Variants in RNFT2 observed in about 807,000 individuals in gnomAD.
RNFT2 encodes E3 ubiquitin-protein ligase RNFT2.
RNFT2 carries 36 observed loss-of-function variants against 53.0 expected under a neutral mutation model. The observed-to-expected ratio is 0.68, with a 90% CI of 0.52 to 0.90. The LOEUF (loss-of-function observed/expected upper bound fraction) is 0.90. Among genes scored for constraint, RNFT2 ranks in the 40% least tolerant of loss-of-function variants. RNFT2 has a pLI of 0.00. For synonymous variants in RNFT2, 260 were observed against 253.2 expected, an observed-to-expected ratio of 1.03 and a Z score of -0.26; for missense variants, 514 against 585.6, an observed-to-expected ratio of 0.88 and a Z score of 1.26.
intron 5 of RNFT2, among the ~76,000 whole-genome samples, chr12:116,762,879 T>G (rs1872742369): frequency 6.6e-6 from 1 of 152,190 alleles, no homozygotes; most frequent in Admixed American, 6.5e-5. Flanking sequence ...CCCAAAGTGC[T>G]GGGATTACAG....
intron 7 of RNFT2, among the ~76,000 whole-genome samples, chr12:116,786,236 C>T (rs1056792757): frequency 1.3e-5 from 2 of 151,890 alleles, no homozygotes; most frequent in African/African-American, 4.8e-5. Flanking sequence ...ATTCTCCTGC[C>T]TCAGCCTCCC....
chr12:116,767,089 T>TCAAGG (rs1344612261), intron 6 of RNFT2, among the ~76,000 whole-genome samples, 175 bp downstream of exon 6: 3 of 152,238 alleles, frequency 2.0e-5, no homozygotes, highest in African/African-American at 7.2e-5. Context: ...TAGTAGAATT[T>TCAAGG]CAAGGCAAGC....
At chr12:116,825,994 G>T (rs565708266) in intron 7 of RNFT2, among the ~76,000 whole-genome samples, 1 of 151,882 alleles carries the variant, frequency 6.6e-6, no homozygotes, top group South Asian at 2.1e-4. Flanking sequence ...AAAAAAAAAG[G>T]TTTCATCTCT....
chr12:116,833,678 T>G, intron 7 of RNFT2, 114 bp from the exon 8 acceptor site: 1 of 1,074,074 alleles, frequency 9.3e-7, no homozygotes, highest in Non-Finnish European at 1.4e-6. Context: ...CAGAGCTGAT[T>G]AATGGCCTGC....
chr12:116,816,565 A>G (rs1592976008), intron 7 of RNFT2, among the ~76,000 whole-genome samples: 2 of 152,310 alleles, frequency 1.3e-5, no homozygotes, highest in East Asian at 3.9e-4. Context: ...GTGAGTGTCC[A>G]GTTATCTAGT....
At chr12:116,834,260 G>A (rs1876844994) in intron 8 of RNFT2, among the ~76,000 whole-genome samples, 1 of 152,044 alleles carries the variant, frequency 6.6e-6, no homozygotes. Flanking sequence ...TGGGACTACA[G>A]GCATCCACCA....
intron 7 of RNFT2, among the ~76,000 whole-genome samples, chr12:116,814,596 A>G (rs953942765): frequency 6.6e-6 from 1 of 152,140 alleles, no homozygotes; most frequent in Non-Finnish European, 1.5e-5. Context: ...GAGCAGAAGA[A>G]GGGGCAGGGC....
intron 7 of RNFT2, among the ~76,000 whole-genome samples, chr12:116,789,535 GGTAAA>G (rs1874119075): frequency 6.7e-6 from 1 of 149,382 alleles, no homozygotes; most frequent in Non-Finnish European, 1.5e-5. Flanking sequence ...TGGGTGGATG[GGTAAA>G]TGGGAGGAGA....
chr12:116,785,514 A>G (rs1873897531), intron 7 of RNFT2, among the ~76,000 whole-genome samples: 1 of 150,936 alleles, frequency 6.6e-6, no homozygotes, highest in African/African-American at 2.4e-5. Flanking sequence ...TTAGTCTTGA[A>G]CTCCTGGGCT....
intron 6 of RNFT2, among the ~76,000 whole-genome samples, chr12:116,772,740 T>C (rs1873258161): frequency 1.3e-5 from 2 of 152,214 alleles, no homozygotes; most frequent in South Asian, 2.1e-4. Flanking sequence ...GTTGTGGAAG[T>C]TGTAGTGTGC....
At chr12:116,831,545 T>C (rs1429437530) in intron 7 of RNFT2, among the ~76,000 whole-genome samples, 1 of 152,124 alleles carries the variant, frequency 6.6e-6, no homozygotes, top group Non-Finnish European at 1.5e-5. Flanking sequence ...TTTTTTTTTT[T>C]TAGTATTACA....
At chr12:116,836,086 C>T (rs1009256377) in intron 9 of RNFT2, 61 bp downstream of exon 9, 5 of 1,603,498 alleles carry the variant, frequency 3.1e-6, no homozygotes, top group Non-Finnish European at 4.3e-6. Flanking sequence ...GAAACAGCAG[C>T]GACCCCTTCC....
Position 116,851,617 on chromosome 12 carries a change from G to A in RNFT2, c.*2169G>A, listed in dbSNP as rs1446885978. Reference sequence around the variant, plus strand: ...TAGCCGGGCGCGGTGGCGGGTGCCTGTAATCCCAGCTACTCAGGAGGCTAA... The same window carrying A: ...TAGCCGGGCGCGGTGGCGGGTGCCTATAATCCCAGCTACTCAGGAGGCTAA... On this transcript the variant is annotated 3_prime_UTR_variant, in exon 11 of 11. Transcript: ENST00000257575. 3 of 604,792 alleles carry A rather than the reference G, an allele frequency of 5.0e-6. No individual in the cohort carries two copies. Among genetic ancestry groups the A allele is most frequent in the South Asian group, 2.0e-5 (1 of 49,350 alleles). 37.5% of individuals were successfully genotyped at this position (604,792 alleles called of 1,614,324 possible). A position where few individuals can be genotyped will look rare whatever the true frequency, so the allele number is the denominator to read the frequency against.
intron 6 of RNFT2, among the ~76,000 whole-genome samples, chr12:116,778,118 TTTC>T (rs1260961833): frequency 6.6e-6 from 1 of 152,144 alleles, no homozygotes; most frequent in Non-Finnish European, 1.5e-5. Flanking sequence ...TTCCTCCCCC[TTTC>T]TTTTCTTCCC....
intron 7 of RNFT2, among the ~76,000 whole-genome samples, chr12:116,781,098 C>T (rs555162035): frequency 8.5e-5 from 13 of 152,278 alleles, no homozygotes; most frequent in Non-Finnish European, 1.6e-4. Flanking sequence ...ATTCACAATA[C>T]CTGTGTTGTC....
chr12:116,781,267 C>G (rs78870614), intron 7 of RNFT2, among the ~76,000 whole-genome samples: 1,814 of 152,250 alleles, frequency 0.012, 45 homozygotes, highest in African/African-American at 0.042. Flanking sequence ...TCACCCTGCT[C>G]TCTGCCCAGG....
intron 7 of RNFT2, among the ~76,000 whole-genome samples, chr12:116,832,142 A>ATATATATAT (rs1170051785): frequency 1.1e-4 from 7 of 61,770 alleles, no homozygotes; most frequent in African/African-American, 1.7e-4. Flanking sequence ...AAAAAAAAAA[A>ATATATATAT]AAAAAAATAT....
At chr12:116,756,118 T>C (rs1208632817) in intron 5 of RNFT2, among the ~76,000 whole-genome samples, 1 of 152,136 alleles carries the variant, frequency 6.6e-6, no homozygotes, top group Non-Finnish European at 1.5e-5. Context: ...GGTAGTATTT[T>C]GATGAGGATT....
intron 10 of RNFT2, among the ~76,000 whole-genome samples, chr12:116,838,072 C>G (rs781285505): frequency 1.3e-5 from 2 of 151,570 alleles, no homozygotes; most frequent in Admixed American, 1.3e-4. Flanking sequence ...TTTTCTGCAC[C>G]TTCCTTTTTA....
Sources: gnomAD v4.1 joint callset for allele counts (sites outside exome capture counted in the v4.1 genomes callset) on GRCh38, gnomAD v4.1.1 for gene constraint, MANE v1.5 for transcripts, NCBI Gene and HGNC (gene_info 2026-07-23, HGNC 2026-07-21) for gene names.